The following RARB variants were observed in gnomAD, a reference collection of about 807,000 sequenced individuals.
RARB encodes the protein HBV-activated protein.
In RARB, 17 loss-of-function variants were observed where a neutral mutation model predicts 51.9. That is an observed-to-expected ratio of 0.33 (90% CI 0.22 to 0.49). The LOEUF (loss-of-function observed/expected upper bound fraction) is 0.49, where lower values mean the gene tolerates loss of function less well. Among genes scored for constraint, RARB ranks in the 20% least tolerant of loss-of-function variants. The probability of loss-of-function intolerance (pLI) is 0.99; values close to 1 mark genes in which losing one functional copy is unlikely to be tolerated. For missense variants in RARB, 369 were observed against 550.8 expected (o/e 0.67, Z 3.30); for synonymous variants, 215 against 195.4 (o/e 1.10, Z -0.84).
At chr3:25,570,198 C>A (rs751318995) in intron 4 of RARB, among the ~76,000 whole-genome samples, 1 of 152,224 alleles carries the variant, frequency 6.6e-6, no homozygotes. Context: ...ATTTGCTATA[C>A]GACAGGCTGT....
intron 2 of RARB, among the ~76,000 whole-genome samples, chr3:24,905,818 A>G (rs957089853): frequency 1.5e-4 from 23 of 152,170 alleles, no homozygotes; most frequent in African/African-American, 4.8e-4. Flanking sequence ...ATTAATACCT[A>G]CTTACATATT....
chr3:25,353,589 T>C (rs1705642486), intron 5 of RARB, among the ~76,000 whole-genome samples: 1 of 152,100 alleles, frequency 6.6e-6, no homozygotes. Context: ...CTGAGATTTT[T>C]TTTTTTTTTG....
chr3:25,056,658 A>G (rs1175963145), intron 2 of RARB, among the ~76,000 whole-genome samples: 2 of 152,094 alleles, frequency 1.3e-5, no homozygotes, highest in Non-Finnish European at 2.9e-5. Context: ...TACCCAATTT[A>G]TATACTTGTA....
chr3:25,374,583 G>A (rs1039387131), intron 5 of RARB, among the ~76,000 whole-genome samples: 3 of 152,062 alleles, frequency 2.0e-5, no homozygotes, highest in Non-Finnish European at 4.4e-5. Context: ...CTAACTGGGA[G>A]GGAGCTGGGG....
At chr3:25,174,537 A>T (rs759120794) in exon 5 of RARB, 2 of 1,352,088 alleles carry the variant, frequency 1.5e-6, no homozygotes, top group South Asian at 2.3e-5. Flanking sequence ...CTTCATGGAC[A>T]TCCGCCTCCG....
At chr3:25,471,719 G>A (rs1313155672) in intron 2 of RARB, among the ~76,000 whole-genome samples, 1 of 151,064 alleles carries the variant, frequency 6.6e-6, no homozygotes, top group Non-Finnish European at 1.5e-5. Context: ...TGCTTACTTT[G>A]CTTGTTGTTT....
At chr3:25,472,007 C>T (rs888700141) in intron 2 of RARB, among the ~76,000 whole-genome samples, 1 of 152,182 alleles carries the variant, frequency 6.6e-6, no homozygotes, top group Non-Finnish European at 1.5e-5. Flanking sequence ...CCTCTCTCCC[C>T]ACCCGCGTAC....
intron 5 of RARB, among the ~76,000 whole-genome samples, chr3:25,255,873 C>A (rs547099797): frequency 6.6e-6 from 1 of 152,146 alleles, no homozygotes; most frequent in Admixed American, 6.6e-5. Context: ...AATTACTTTA[C>A]GTCTGTTTAT....
intron 3 of RARB, among the ~76,000 whole-genome samples, chr3:25,515,845 G>A (rs972881860): frequency 6.6e-6 from 1 of 152,158 alleles, no homozygotes; most frequent in African/African-American, 2.4e-5. Flanking sequence ...GCAAAACTAT[G>A]TGTGTATTTT....
chr3:25,247,714 C>T (rs146887612), intron 5 of RARB, among the ~76,000 whole-genome samples: 21 of 152,332 alleles, frequency 1.4e-4, no homozygotes, highest in East Asian at 7.7e-4. Context: ...AGAAATCACC[C>T]GCCTTCTGCG....
intron 5 of RARB, among the ~76,000 whole-genome samples, chr3:25,233,622 T>A (rs1397499737): frequency 6.6e-6 from 1 of 152,136 alleles, no homozygotes. Context: ...GTTCCTGATA[T>A]CAGAAAAAAT....
chr3:25,554,985 G>T (rs926292683), intron 3 of RARB, among the ~76,000 whole-genome samples: 1 of 152,106 alleles, frequency 6.6e-6, no homozygotes, highest in Non-Finnish European at 1.5e-5. Flanking sequence ...TACTCCTGAT[G>T]GCAGAGCACT....
At chr3:25,203,645 A>G (rs2125372641) in intron 5 of RARB, among the ~76,000 whole-genome samples, 1 of 152,274 alleles carries the variant, frequency 6.6e-6, no homozygotes, top group Middle Eastern at 3.4e-3. Flanking sequence ...AAAATCTCTC[A>G]GCATTTGCTT....
chr3:25,415,449 AT>A (rs549023448), intron 5 of RARB, among the ~76,000 whole-genome samples: 231 of 152,076 alleles, frequency 1.5e-3, no homozygotes, highest in African/African-American at 4.1e-3. Flanking sequence ...TTCCAGCACC[AT>A]TTTTTGGAAA....
chr3:25,405,690 G>C (rs976087895), intron 5 of RARB, among the ~76,000 whole-genome samples: 33 of 152,372 alleles, frequency 2.2e-4, no homozygotes, highest in Non-Finnish European at 4.3e-4. Context: ...TTCAGTCATA[G>C]TATCTTCACT....
At chr3:25,101,632 T>C (rs1419537065) in intron 3 of RARB, among the ~76,000 whole-genome samples, 1 of 151,842 alleles carries the variant, frequency 6.6e-6, no homozygotes, top group Admixed American at 6.6e-5. Flanking sequence ...ACTATCCTTT[T>C]ATTGCTAAAT....
chr3:25,230,158 T>C (rs995582082), intron 5 of RARB, among the ~76,000 whole-genome samples: 2 of 152,202 alleles, frequency 1.3e-5, no homozygotes, highest in African/African-American at 4.8e-5. Context: ...CTATTTTATA[T>C]AGAAACACAT....
At chr3:25,336,465 T>C (rs1705066194) in intron 5 of RARB, among the ~76,000 whole-genome samples, 1 of 152,228 alleles carries the variant, frequency 6.6e-6, no homozygotes, top group South Asian at 2.1e-4. Context: ...TGGCTTCTTA[T>C]TGTCATTATT....
At chr3:25,034,241 T>A (rs1051705878) in intron 2 of RARB, among the ~76,000 whole-genome samples, 1 of 151,982 alleles carries the variant, frequency 6.6e-6, no homozygotes, top group African/African-American at 2.4e-5. Context: ...ACCTGGGAGG[T>A]GGAGTTTGCA....
Sources: allele counts gnomAD v4.1 joint callset (sites outside exome capture counted in the v4.1 genomes callset), GRCh38; gene constraint gnomAD v4.1.1; transcripts MANE v1.5; gene names NCBI Gene and HGNC (gene_info 2026-07-23, HGNC 2026-07-21).